The following CADM3 variants were observed in gnomAD, a reference collection of about 807,000 sequenced individuals.
The protein encoded by CADM3 is cell adhesion molecule 3, also known as TSLC1-like 1.
CADM3 carries 11 observed loss-of-function variants against 44.9 expected under a neutral mutation model. The ratio of observed to expected loss-of-function variants is 0.25; its 90% confidence interval spans 0.15 to 0.41. The LOEUF (loss-of-function observed/expected upper bound fraction) is 0.41. CADM3 is among the 10% of genes least tolerant of loss of function. CADM3 has a pLI of 1.00. For synonymous variants in CADM3, 207 were observed against 205.2 expected (o/e 1.01, Z -0.08); for missense variants, 426 against 512.0 (o/e 0.83, Z 1.62).
chr1:159,194,100 G>A, intron 5 of CADM3, 60 bp downstream of exon 5: 1 of 1,522,424 alleles, frequency 6.6e-7, no homozygotes, highest in Non-Finnish European at 9.0e-7. Context: ...CAGGGAGAAA[G>A]AGAATGCAGG....
At chr1:159,177,026 C>T (rs34745011) in intron 1 of CADM3, among the ~76,000 whole-genome samples, 11 of 152,210 alleles carry the variant, frequency 7.2e-5, no homozygotes, top group African/African-American at 2.4e-4. Flanking sequence ...ACGTCTCATA[C>T]CCTACCTGAC....
intron 1 of CADM3, among the ~76,000 whole-genome samples, chr1:159,184,538 C>A (rs145489576): frequency 1.5e-4 from 23 of 152,304 alleles, no homozygotes; most frequent in Admixed American, 1.2e-3. Context: ...GCAAGGCCAG[C>A]AGCAGTTATT....
intron 7 of CADM3, 122 bp from the exon 8 acceptor site, chr1:159,199,629 G>A: frequency 7.9e-7 from 1 of 1,261,450 alleles, no homozygotes; most frequent in South Asian, 1.2e-5. Flanking sequence ...GAATGACACT[G>A]CTCCATTTTC....
At chr1:159,199,051 C>T (rs1237167817) in intron 7 of CADM3, among the ~76,000 whole-genome samples, 1 of 152,140 alleles carries the variant, frequency 6.6e-6, no homozygotes, top group East Asian at 1.9e-4. Context: ...CACAAAGGAA[C>T]AGTGTTCTTT....
chr1:159,188,246 G>A (rs1649497329), intron 1 of CADM3, among the ~76,000 whole-genome samples: 1 of 148,910 alleles, frequency 6.7e-6, no homozygotes, highest in Non-Finnish European at 1.5e-5. Flanking sequence ...TCCCCTCTCC[G>A]GCCTCCCATT....
At chr1:159,196,675 A>G (rs1369349608) in intron 6 of CADM3, 2 of 637,222 alleles carry the variant, frequency 3.1e-6, no homozygotes, top group Non-Finnish European at 5.4e-6. Context: ...ACAAAGGCCA[A>G]GTTAAAGTAA....
At chr1:159,189,885 GC>G in intron 1 of CADM3, 1 of 1,572,386 alleles carries the variant, frequency 6.4e-7, no homozygotes, top group South Asian at 1.2e-5. Flanking sequence ...GAGAATCCAG[GC>G]CCCCTCATCT....
Position 159,201,024 on chromosome 1 carries a change from C to A in CADM3, c.*102C>A. On this transcript the variant is annotated 3_prime_UTR_variant, in exon 9 of 9. Transcript: ENST00000368125. The stretch of plus-strand genomic sequence containing the variant: ...AGAGCAACCGCAGGGCCGCCCCTCC[C>A]GCTTGCTCCCCAGCCCACCCACCCC... 2 of 664,420 alleles carry A rather than the reference C, an allele frequency of 3.0e-6. No homozygotes were observed. The highest frequency in any genetic ancestry group is 3.5e-5 in the East Asian group (1 of 28,596). The allele number at this position is 664,420 out of a possible 1,614,324, so 41.2% of individuals were successfully genotyped here.
chr1:159,193,923 A>C lies in CADM3; in HGVS notation c.574A>C (p.Ser192Arg), dbSNP rs773920471. 6.2e-7 allele frequency: 1 copy of C among 1,614,218 alleles called. No homozygotes were observed. Among genetic ancestry groups the C allele is most frequent in the Non-Finnish European group, 8.5e-7 (1 of 1,180,036 alleles). The part of the protein sequence containing the change: ...DPNGKTFTVS[S>R]SVTFQVTRED... ...CAATGGTAAAACCTTCACTGTCAGC[A>C]GCTCGGTGACATTCCAGGTTACCCG... is the stretch of plus-strand genomic sequence containing the variant. Residue 192 changes from serine to arginine, a missense_variant, in exon 5 of 9, where the codon AGC (serine) becomes CGC (arginine). This residue lies in a region of CADM3 where 362 missense variants were observed against 474.6 expected (regional missense o/e 0.76). Transcript: ENST00000368125.
intron 3 of CADM3, 106 bp from the exon 4 acceptor site, chr1:159,193,317 T>C: frequency 8.4e-7 from 1 of 1,191,228 alleles, no homozygotes; most frequent in Non-Finnish European, 1.2e-6. Context: ...CATCAGAAAT[T>C]ATAGTAGAAC....
chr1:159,177,622 T>C (rs1487195018), intron 1 of CADM3, among the ~76,000 whole-genome samples: 1 of 152,142 alleles, frequency 6.6e-6, no homozygotes, highest in Non-Finnish European at 1.5e-5. Flanking sequence ...TTCTTGGTTA[T>C]GCTCCCCGAC....
chr1:159,179,352 C>T (rs1218768754), intron 1 of CADM3, among the ~76,000 whole-genome samples: 1 of 152,118 alleles, frequency 6.6e-6, no homozygotes, highest in East Asian at 1.9e-4. Flanking sequence ...TTTCCCTTTC[C>T]CCAGCTAGAC....
At chr1:159,200,517 A>AGC (rs954094414) in intron 8 of CADM3, among the ~76,000 whole-genome samples, 3 of 51,044 alleles carry the variant, frequency 5.9e-5, no homozygotes, top group Admixed American at 5.8e-4. Context: ...CATGCGTGCA[A>AGC]GCACACACAC....
chr1:159,201,168 T>C lies in CADM3; in HGVS notation c.*246T>C. On this transcript the variant is annotated 3_prime_UTR_variant, in exon 9 of 9. Transcript: ENST00000368125. ...TTTCCGTGGCTTCTCTGCATTTGGGTTATTATTATTTTTGTAACAATCCCA... is the reference window on the plus strand; with the variant it reads ...TTTCCGTGGCTTCTCTGCATTTGGGCTATTATTATTTTTGTAACAATCCCA... The C allele has an allele frequency of 4.1e-6, 1 of 246,892 alleles. No individual in the cohort carries two copies. The highest frequency in any genetic ancestry group is 7.8e-6 in the Non-Finnish European group (1 of 128,662). 15.3% of individuals were successfully genotyped at this position (246,892 alleles called of 1,614,324 possible).
At position 159,196,885 on chromosome 1, in the gene CADM3, C is replaced by T. The variant is rs750332424; in HGVS notation, c.783-6C>T. On this transcript the variant is annotated splice_polypyrimidine_tract_variant and splice_region_variant and intron_variant, in intron 6 of 8. Transcript: ENST00000368125. ...CTGAGCTCTTCTGATTTGTCTGCCT[C>T]GACAGCCCCCAGCAGTACCTATGGG... The T allele has an allele frequency of 4.3e-6, 7 of 1,613,352 alleles. No individual in the cohort carries two copies. The highest frequency in any genetic ancestry group is 3.3e-5 in the South Asian group (3 of 90,968).
chr1:159,191,581 T>C (rs2102121946), intron 1 of CADM3, among the ~76,000 whole-genome samples: 1 of 152,284 alleles, frequency 6.6e-6, no homozygotes, highest in Admixed American at 6.5e-5. Flanking sequence ...GTCTGTGTGT[T>C]TTCAGAGGTA....
chr1:159,189,769 AG>A, intron 1 of CADM3: 1 of 1,602,322 alleles, frequency 6.2e-7, no homozygotes, highest in Admixed American at 1.7e-5. Context: ...TTCTCTCCCC[AG>A]GCTACTGGCA....
chr1:159,185,008 A>C (rs1036615295), intron 1 of CADM3, among the ~76,000 whole-genome samples: 6 of 152,180 alleles, frequency 3.9e-5, no homozygotes, highest in African/African-American at 1.4e-4. Flanking sequence ...GCAAGAGTTA[A>C]GAAACCTCCA....
In CADM3 at chr1:159,202,631, C is replaced by G. The variant is rs985614570; in HGVS notation, c.*1709C>G. ...TCCTCCCTGTCCTGGCTGGACTGCC[C>G]CGCCTCAGATCCAGGATGCCCTTGG... On this transcript the variant is annotated 3_prime_UTR_variant, in exon 9 of 9. Transcript: ENST00000368125. 1 of 152,266 alleles carries G rather than the reference C, an allele frequency of 6.6e-6. No homozygotes were observed. Among genetic ancestry groups the G allele is most frequent in the African/African-American group, 2.4e-5 (1 of 41,434 alleles). 9.4% of individuals were successfully genotyped at this position (152,266 alleles called of 1,614,324 possible).
Sources: allele counts gnomAD v4.1 joint callset (sites outside exome capture counted in the v4.1 genomes callset), GRCh38; gene constraint gnomAD v4.1.1; regional missense constraint gnomAD v4.1.1; transcripts MANE v1.5; gene names NCBI Gene and HGNC (gene_info 2026-07-23, HGNC 2026-07-21).